The following CNTNAP4 variants were observed in gnomAD, a reference collection of about 807,000 sequenced individuals.
CNTNAP4 encodes the protein contactin-associated protein-like 4.
A neutral mutation model predicts 148.4 loss-of-function variants in CNTNAP4; 98 were observed. That is an observed-to-expected ratio of 0.66 (90% confidence interval 0.56 to 0.78). The LOEUF (loss-of-function observed/expected upper bound fraction) is 0.78. CNTNAP4 is among the 30% of genes least tolerant of loss of function. CNTNAP4 has a pLI of 0.00. For synonymous variants in CNTNAP4, 730 were observed against 565.1 expected, an observed-to-expected ratio of 1.29 and a Z score of -4.14; for missense variants, 1,935 against 1,565.6, an observed-to-expected ratio of 1.24 and a Z score of -3.98.
intron 8 of CNTNAP4, among the ~76,000 whole-genome samples, chr16:76,459,641 C>T (rs2080864619): frequency 6.6e-6 from 1 of 152,192 alleles, no homozygotes; most frequent in East Asian, 1.9e-4. Flanking sequence ...TTTATGTAAA[C>T]TTCTTTTACA....
intron 4 of CNTNAP4, among the ~76,000 whole-genome samples, chr16:76,436,022 C>G (rs1289683677): frequency 2.0e-5 from 3 of 152,112 alleles, no homozygotes; most frequent in African/African-American, 7.2e-5. Flanking sequence ...TCATGGGTCA[C>G]ACTCTGAATG....
At chr16:76,360,926 C>T (rs575193532) in intron 3 of CNTNAP4, among the ~76,000 whole-genome samples, 16 of 150,574 alleles carry the variant, frequency 1.1e-4, no homozygotes, top group Admixed American at 2.0e-4. Context: ...ACACCATTCT[C>T]CTGCCTCAGC....
intron 14 of CNTNAP4, among the ~76,000 whole-genome samples, chr16:76,498,243 T>A (rs1212218136): frequency 6.6e-6 from 1 of 151,996 alleles, no homozygotes; most frequent in Non-Finnish European, 1.5e-5. Flanking sequence ...AATACAAAAG[T>A]TAGCTGGGTG....
intron 3 of CNTNAP4, among the ~76,000 whole-genome samples, chr16:76,360,951 G>C (rs2013353966): frequency 6.6e-6 from 1 of 151,208 alleles, no homozygotes; most frequent in African/African-American, 2.4e-5. Flanking sequence ...CTAGTAGCTG[G>C]AACTACAGGC....
chr16:76,426,752 T>A (rs1309055882), intron 3 of CNTNAP4, among the ~76,000 whole-genome samples: 1 of 152,172 alleles, frequency 6.6e-6, no homozygotes, highest in Admixed American at 6.6e-5. Flanking sequence ...ACCTCTAATT[T>A]CCTTGTCTGC....
At chr16:76,341,912 A>G (rs1964499650) in intron 2 of CNTNAP4, among the ~76,000 whole-genome samples, 1 of 152,204 alleles carries the variant, frequency 6.6e-6, no homozygotes, top group African/African-American at 2.4e-5. Context: ...AGAAGTTGCC[A>G]TGTCCTATCG....
rs200780947 is a variant in CNTNAP4 at position 76,470,412 on chromosome 16, G to T, written c.1655+2889G>T. 4.9e-4 allele frequency among the ~76,000 whole-genome samples: 74 copies of T among 149,592 alleles called. No individual in the cohort carries two copies. In the East Asian group the frequency reaches 8.8e-3, roughly 18 times the overall value. Reference sequence around the variant, plus strand: ...TCCCAGCACTTTGGGAGGCCAAGACGGGTGGATCACCTGAGGTCAGGAGTT... The same window carrying T: ...TCCCAGCACTTTGGGAGGCCAAGACTGGTGGATCACCTGAGGTCAGGAGTT... On this transcript the variant is annotated intron_variant, in intron 10 of 23. Transcript: ENST00000611870.
rs1475436722 is a variant in CNTNAP4 at position 76,375,805 on chromosome 16, A to C, written c.390+20294A>C. On this transcript the variant is annotated intron_variant, in intron 3 of 23. Transcript: ENST00000611870. ...AGCCAAGAGTGACTTGAATAGTCGG[A>C]TTGTCAGTTCAAGGTCAGTGCTGGA... is the stretch of plus-strand genomic sequence containing the variant. 3.9e-5 allele frequency among the ~76,000 whole-genome samples: 6 copies of C among 152,270 alleles called. No homozygotes were observed. In the East Asian group the frequency reaches 1.2e-3, roughly 29 times the overall value.
intron 13 of CNTNAP4, among the ~76,000 whole-genome samples, chr16:76,493,182 G>A (rs1049252864): frequency 1.3e-5 from 2 of 152,120 alleles, no homozygotes; most frequent in South Asian, 2.1e-4. Context: ...ATATAATGGG[G>A]TAGAACAGGA....
At position 76,277,627 on chromosome 16, in the gene CNTNAP4, C is replaced by A; in HGVS notation, c.-36C>A. 1 of 1,494,326 alleles carries A rather than the reference C, an allele frequency of 6.7e-7. No individual in the cohort carries two copies. The highest frequency in any genetic ancestry group is 9.2e-7 in the Non-Finnish European group (1 of 1,085,586). The allele number at this position is 1,494,326 out of a possible 1,614,324, so 92.6% of individuals were successfully genotyped here. The stretch of plus-strand genomic sequence containing the variant: ...GAGGACTGGAGCGCTCTGAGAGCCT[C>A]TCAAGATCTTTTGGGGGAGCCCAAT... On this transcript the variant is annotated 5_prime_UTR_variant, in exon 1 of 24. Coordinates refer to ENST00000611870, the MANE Select transcript of CNTNAP4 (RefSeq NM_033401.5).
intron 1 of CNTNAP4, among the ~76,000 whole-genome samples, chr16:76,297,229 A>G (rs1410271656): frequency 1.3e-5 from 2 of 152,172 alleles, no homozygotes; most frequent in Non-Finnish European, 2.9e-5. Flanking sequence ...AGATTTCATC[A>G]TTTCTAAAAC....
chr16:76,369,793 G>T (rs2144616933), intron 3 of CNTNAP4, among the ~76,000 whole-genome samples: 1 of 152,308 alleles, frequency 6.6e-6, no homozygotes, highest in East Asian at 1.9e-4. Flanking sequence ...AGTGAGCTGA[G>T]ATTGTGCCAC....
At chr16:76,462,773 C>T (rs1343221069) in intron 9 of CNTNAP4, among the ~76,000 whole-genome samples, 1 of 152,094 alleles carries the variant, frequency 6.6e-6, no homozygotes, top group Non-Finnish European at 1.5e-5. Flanking sequence ...TGTTCTTTTC[C>T]GTTAGAAATC....
intron 3 of CNTNAP4, among the ~76,000 whole-genome samples, chr16:76,358,571 A>C (rs1425549888): frequency 6.6e-6 from 1 of 152,146 alleles, no homozygotes; most frequent in African/African-American, 2.4e-5. Context: ...CTATTTTATG[A>C]AGCTGGAAAG....
rs539144171 is a variant in CNTNAP4, at chr16:76,308,278, A to G, written c.86-8135A>G. On this transcript the variant is annotated intron_variant, in intron 1 of 23. Transcript: ENST00000611870. ...AAGCTAAAGAACTGCATAGTAGTCT[A>G]CACTCGTGGCATTTAATCGAGTTGA... Among the ~76,000 whole-genome samples, 3 of 152,366 alleles carry G rather than the reference A, an allele frequency of 2.0e-5. No homozygotes were observed. The East Asian group carries it at 5.8e-4, about 29-fold the overall frequency.
chr16:76,504,713 G>A (rs1446366909), intron 15 of CNTNAP4, among the ~76,000 whole-genome samples: 1 of 152,092 alleles, frequency 6.6e-6, no homozygotes, highest in Non-Finnish European at 1.5e-5. Context: ...CAAAATACAT[G>A]TTTTATAGAG....
At chr16:76,546,230 A>G (rs1337972233) in intron 21 of CNTNAP4, among the ~76,000 whole-genome samples, 4 of 152,150 alleles carry the variant, frequency 2.6e-5, no homozygotes, top group African/African-American at 9.7e-5. Flanking sequence ...CAGCCACAAC[A>G]AGGAGATACT....
rs535666971 is a variant in CNTNAP4 at position 76,429,041 on chromosome 16, C to G, written c.538+1442C>G. Among the ~76,000 whole-genome samples the G allele has an allele frequency of 6.6e-5, 10 of 152,290 alleles. No homozygotes were observed. In the South Asian group the frequency reaches 2.1e-3, roughly 32 times the overall value. On this transcript the variant is annotated intron_variant, in intron 4 of 23. Transcript: ENST00000611870. ...AAGCAAGCTTATATTGACATTTCCT[C>G]TAGTTGTTGAATAACAGAGATGAGT...
At chr16:76,352,536 C>G (rs1308486844) in intron 2 of CNTNAP4, among the ~76,000 whole-genome samples, 1 of 152,182 alleles carries the variant, frequency 6.6e-6, no homozygotes, top group Non-Finnish European at 1.5e-5. Context: ...TGCCTCTTGC[C>G]TGCTCCATGG....
Sources: gnomAD v4.1 joint callset for allele counts (sites outside exome capture counted in the v4.1 genomes callset) on GRCh38, gnomAD v4.1.1 for gene constraint, MANE v1.5 for transcripts, NCBI Gene and HGNC (gene_info 2026-07-23, HGNC 2026-07-21) for gene names.